PRR14: variants seen among roughly 807,000 people sequenced by gnomAD.
PRR14 encodes the protein proline rich 14.
A neutral mutation model predicts 57.2 loss-of-function variants in PRR14; 33 were observed. The observed-to-expected ratio is 0.58, with a 90% CI of 0.44 to 0.77. PRR14 has a LOEUF of 0.77. PRR14 is among the 30% of genes least tolerant of loss of function. The pLI is 0.00. For missense variants in PRR14, 716 were observed against 788.1 expected, an observed-to-expected ratio of 0.91 and a Z score of 1.10; for synonymous variants, 303 against 314.7, an observed-to-expected ratio of 0.96 and a Z score of 0.39.
upstream of PRR14, chr16:30,650,898 C>G (rs1343719824): frequency 1.9e-5 from 8 of 419,384 alleles, no homozygotes; most frequent in Non-Finnish European, 5.0e-6. Flanking sequence ...TGGTCCCGGG[C>G]CGGGGGAGAC....
chr16:30,652,876 C>T (rs2052327835), intron 4 of PRR14, 34 bp downstream of exon 4: 1 of 1,613,902 alleles, frequency 6.2e-7, no homozygotes, highest in Non-Finnish European at 8.5e-7. Context: ...AGCCGAGGGC[C>T]CAGCTGAGCC....
chr16:30,653,091 A>G lies in PRR14; in HGVS notation c.492A>G (p.Arg164=), dbSNP rs1216681474. 3.7e-6 allele frequency: 6 copies of G among 1,605,850 alleles called. No homozygotes were observed. Residue 164 remains arginine (R), a synonymous_variant, in exon 5 of 12, where the codon AGA becomes AGG. Transcript: ENST00000300835. ...VVMLEDIASP[R]PPAEGFIDET... ...TGCTGGAAGACATCGCCAGTCCTAG[A>G]CCCCCCGCTGAGGTATGGGAACTGA...
rs200889814 is a variant in PRR14, at chr16:30,655,161, C to T, written c.1191C>T (p.Thr397=). ...LGGVGASPSL[T]TSCSSTASTS... is the part of the protein sequence containing the mutation. ...GAGTGGGAGCCTCCCCTTCTCTCAC[C>T]ACATCTTGCTCGTCCACGGCATCCA... Residue 397 remains threonine (T), a synonymous_variant, in exon 8 of 12, where the codon ACC becomes ACT. Coordinates refer to ENST00000300835, the MANE Select transcript of PRR14 (RefSeq NM_024031.5). The surrounding 1 kb of genome is among the most constrained non-coding windows in gnomAD (Gnocchi z 4.6). 61 of 1,606,156 alleles carry T rather than the reference C, an allele frequency of 3.8e-5. No individual in the cohort carries two copies. Among genetic ancestry groups the T allele is most frequent in the Non-Finnish European group, 2.5e-6 (3 of 1,176,480 alleles).
Position 30,655,591 on chromosome 16 carries a change from C to A in PRR14, c.1404C>A (p.Ile468=), listed in dbSNP as rs555731037. ...NLTPMGLPRP[I]RLNKKEFSLE... is the part of the protein sequence containing the mutation. ...CACCAATGGGACTGCCTCGACCAATCAGGTGAGGGGCTCACTGGGCATTGA... is the reference window on the plus strand; with the variant it reads ...CACCAATGGGACTGCCTCGACCAATAAGGTGAGGGGCTCACTGGGCATTGA... The change falls in exon 10 of 12, where the codon ATC becomes ATA. Residue 468 remains isoleucine (I), a splice_region_variant and synonymous_variant. Coordinates refer to ENST00000300835, the MANE Select transcript of PRR14 (RefSeq NM_024031.5). This position sits in a 1 kb window ranked among gnomAD's most constrained non-coding sequence, Gnocchi z 4.6. The A allele has an allele frequency of 1.2e-6, 2 of 1,613,632 alleles. No individual in the cohort carries two copies. The highest frequency in any genetic ancestry group is 1.7e-5 in the Admixed American group (1 of 59,994).
At chr16:30,653,153 G>T in intron 5 of PRR14, 50 bp downstream of exon 5, 1 of 1,530,638 alleles carries the variant, frequency 6.5e-7, no homozygotes, top group South Asian at 1.2e-5. Context: ...GGTTCCAGCA[G>T]GGATAGAAGG....
intron 6 of PRR14, among the ~76,000 whole-genome samples, chr16:30,653,939 C>G (rs2052338658): frequency 6.6e-6 from 1 of 152,202 alleles, no homozygotes; most frequent in African/African-American, 2.4e-5. Flanking sequence ...GCTGGGATTA[C>G]AGGCGAGAGC....
chr16:30,655,306 A>T lies in PRR14; in HGVS notation c.1245-45A>T. On this transcript the variant is annotated intron_variant, in intron 8 of 11. Transcript: ENST00000300835. This position sits in a 1 kb window ranked among gnomAD's most constrained non-coding sequence, Gnocchi z 4.6. ...TCCAGTGGGCAGGAGACGGGGGATA[A>T]TGCAGTGAATCCTGTTTGTCCCTGA... 1 of 1,611,214 alleles carries T rather than the reference A, an allele frequency of 6.2e-7. No homozygotes were observed. The highest frequency in any genetic ancestry group is 8.5e-7 in the Non-Finnish European group (1 of 1,177,632).
intron 6 of PRR14, 36 bp from the exon 7 acceptor site, chr16:30,654,193 GA>G (rs776508867): frequency 3.5e-5 from 52 of 1,482,258 alleles, no homozygotes; most frequent in Non-Finnish European, 4.1e-5. Flanking sequence ...GGGATACCTG[GA>G]AGTTCCCCTA....
Position 30,651,754 on chromosome 16 carries a change from G to T in PRR14, c.24-42G>T. The stretch of plus-strand genomic sequence containing the variant: ...CGTGCCGGGAAACTACAGAGCCAGC[G>T]ACAGGTTCGGGCGACCGTCCTCTGC... On this transcript the variant is annotated intron_variant, in intron 2 of 11. Coordinates refer to ENST00000300835, the MANE Select transcript of PRR14 (RefSeq NM_024031.5). This position sits in a 1 kb window ranked among gnomAD's most constrained non-coding sequence, Gnocchi z 5.0. 6.2e-7 allele frequency: 1 copy of T among 1,610,388 alleles called. No homozygotes were observed. Among genetic ancestry groups the T allele is most frequent in the South Asian group, 1.1e-5 (1 of 91,070 alleles).
Position 30,651,400 on chromosome 16 carries a change from G to A in PRR14, c.-50-196G>A. ...GGGTTCTGGCGGCAGGTGCCAGGCA[G>A]GGCGCGAGTGATCCGCTGATCGAGG... is the stretch of plus-strand genomic sequence containing the variant. On this transcript the variant is annotated intron_variant, in intron 1 of 11. Coordinates refer to ENST00000300835, the MANE Select transcript of PRR14 (RefSeq NM_024031.5). This position sits in a 1 kb window ranked among gnomAD's most constrained non-coding sequence, Gnocchi z 5.0. 1 of 482,146 alleles carries A rather than the reference G, an allele frequency of 2.1e-6. No individual in the cohort carries two copies. Among genetic ancestry groups the A allele is most frequent in the South Asian group, 3.2e-5 (1 of 31,432 alleles). The allele number at this position is 482,146 out of a possible 1,614,324, so 29.9% of individuals were successfully genotyped here.
Position 30,654,224 on chromosome 16 carries a change from C to T in PRR14, c.549-6C>T. On this transcript the variant is annotated splice_region_variant and splice_polypyrimidine_tract_variant and intron_variant, in intron 6 of 11. Coordinates refer to ENST00000300835, the MANE Select transcript of PRR14 (RefSeq NM_024031.5). Reference sequence around the variant, plus strand: ...CCCCTAGCCTTTACCTTGCCCTTCACCCCAGAGCTGAGCCCATGAGGATAG... The same window carrying T: ...CCCCTAGCCTTTACCTTGCCCTTCATCCCAGAGCTGAGCCCATGAGGATAG... 6.2e-7 allele frequency: 1 copy of T among 1,611,842 alleles called. No individual in the cohort carries two copies. Among genetic ancestry groups the T allele is most frequent in the South Asian group, 1.1e-5 (1 of 91,030 alleles).
rs988844818 is a variant in PRR14 at position 30,651,278 on chromosome 16, G to A, written c.-51+151G>A. 4 of 335,504 alleles carry A rather than the reference G, an allele frequency of 1.2e-5. No individual in the cohort carries two copies. The highest frequency in any genetic ancestry group is 1.8e-5 in the Non-Finnish European group (3 of 170,866). 20.8% of individuals were successfully genotyped at this position (335,504 alleles called of 1,614,324 possible). A position where few individuals can be genotyped will look rare whatever the true frequency, so the allele number is the denominator to read the frequency against. On this transcript the variant is annotated intron_variant, in intron 1 of 11. Transcript: ENST00000300835. This position sits in a 1 kb window ranked among gnomAD's most constrained non-coding sequence, Gnocchi z 5.0. The stretch of plus-strand genomic sequence containing the variant: ...CAGCGGAAATAGCCTCCCAGGACCG[G>A]GATCCCCGTGGATCCCGGGGGATCT...
Position 30,651,620 on chromosome 16 carries a change from ACCC to A in PRR14, c.-21_-19del, listed in dbSNP as rs760606553. 3 of 1,291,700 alleles carry A rather than the reference ACCC, an allele frequency of 2.3e-6. No individual in the cohort carries two copies. The South Asian group carries it at 3.7e-5, about 16-fold the overall frequency. 80.0% of individuals were successfully genotyped at this position (1,291,700 alleles called of 1,614,324 possible). The stretch of plus-strand genomic sequence containing the variant: ...GGCCGCAGCCTGGGATTCCCCAGGG[ACCC>A]CCCCGGAGCCGCCGCGTCTCCCATG... On this transcript the variant is annotated 5_prime_UTR_variant, in exon 2 of 12. Coordinates refer to ENST00000300835, the MANE Select transcript of PRR14 (RefSeq NM_024031.5). The surrounding 1 kb of genome is among the most constrained non-coding windows in gnomAD (Gnocchi z 5.0).
rs374312803 is a variant in PRR14, at chr16:30,652,952, G to A, written c.353G>A (p.Ser118Asn). ...CTGTGTTTGTGTCGCGAGCCCTTGA[G>A]CCGCATCCACCGGACCTCTTCCACC... is the stretch of plus-strand genomic sequence containing the variant. ...DPLCLCREPL[S>N]RIHRTSSTLR... Residue 118 changes from serine (S) to asparagine (N), a missense_variant, in exon 5 of 12, where the codon AGC (serine) becomes AAC (asparagine). Physicochemically the swap from Ser to Asn is conservative, Grantham distance 46. Transcript: ENST00000300835. 1 of 1,614,132 alleles carries A rather than the reference G, an allele frequency of 6.2e-7. No individual in the cohort carries two copies. The highest frequency in any genetic ancestry group is 8.5e-7 in the Non-Finnish European group (1 of 1,180,008).
chr16:30,655,162 A>G lies in PRR14; in HGVS notation c.1192A>G (p.Thr398Ala), dbSNP rs1164914050. 8 of 1,603,520 alleles carry G rather than the reference A, an allele frequency of 5.0e-6. No individual in the cohort carries two copies. Among genetic ancestry groups the G allele is most frequent in the South Asian group, 1.1e-5 (1 of 90,718 alleles). The change falls in exon 8 of 12, where the codon ACA becomes GCA. Residue 398 changes from threonine to alanine, a missense_variant. By Grantham distance (58) the Thr-to-Ala change is moderately conservative. Transcript: ENST00000300835. The surrounding 1 kb of genome is among the most constrained non-coding windows in gnomAD (Gnocchi z 4.6). ...AGTGGGAGCCTCCCCTTCTCTCACC[A>G]CATCTTGCTCGTCCACGGCATCCAC... The part of the protein sequence containing the change: ...GGVGASPSLT[T>A]SCSSTASTSF...
chr16:30,652,749 C>G lies in PRR14; in HGVS notation c.221C>G (p.Ser74Cys). 2 of 1,614,232 alleles carry G rather than the reference C, an allele frequency of 1.2e-6. No individual in the cohort carries two copies. The highest frequency in any genetic ancestry group is 1.7e-6 in the Non-Finnish European group (2 of 1,180,038). ...CCCGTGGTGCCCTCAAAGCAGACCTCCATACCACAGCACCACAGCTACCAT... is the reference window on the plus strand; with the variant it reads ...CCCGTGGTGCCCTCAAAGCAGACCTGCATACCACAGCACCACAGCTACCAT... ...MVPVVPSKQT[S>C]IPQHHSYHQD... Residue 74 changes from serine (S) to cysteine (C), a missense_variant, in exon 4 of 12, where the codon TCC (serine) becomes TGC (cysteine). Ser to Cys is a moderately radical substitution (Grantham distance 112). Transcript: ENST00000300835.
chr16:30,654,082 T>C, intron 6 of PRR14, 148 bp from the exon 7 acceptor site: 4 of 660,770 alleles, frequency 6.1e-6, no homozygotes, highest in Non-Finnish European at 1.1e-5. Context: ...TGAGCTGAGA[T>C]TGTGCCCCTG....
At chr16:30,654,423 G>T in intron 7 of PRR14, 84 bp downstream of exon 7, 1 of 1,239,256 alleles carries the variant, frequency 8.1e-7, no homozygotes, top group Non-Finnish European at 1.2e-6. Flanking sequence ...ACAGAGTTGG[G>T]GATAGGGCTT....
rs544397780 is a variant in PRR14, at chr16:30,652,862, G to A, written c.314+20G>A. ...GGCCAGGTGAGCATGGCAGGATGGGGGTAAGCCGAGGGCCCAGCTGAGCCA... is the reference window on the plus strand; with the variant it reads ...GGCCAGGTGAGCATGGCAGGATGGGAGTAAGCCGAGGGCCCAGCTGAGCCA... On this transcript the variant is annotated intron_variant, in intron 4 of 11. Transcript: ENST00000300835. 1 of 1,614,060 alleles carries A rather than the reference G, an allele frequency of 6.2e-7. No individual in the cohort carries two copies. Among genetic ancestry groups the A allele is most frequent in the South Asian group, 1.1e-5 (1 of 91,070 alleles).
Sources: allele counts gnomAD v4.1 joint callset (sites outside exome capture counted in the v4.1 genomes callset), GRCh38; gene constraint gnomAD v4.1.1; non-coding constraint Gnocchi (gnomAD v3.1); transcripts MANE v1.5; gene names NCBI Gene and HGNC (gene_info 2026-07-23, HGNC 2026-07-21).